Variants in P2RY14 observed in about 807,000 individuals in gnomAD.
P2RY14 encodes the protein P2Y purinoceptor 14.
A neutral mutation model predicts 0.9 loss-of-function variants in P2RY14; 2 were observed. That is an observed-to-expected ratio of 2.16 (90% CI 0.88 to 6.79). P2RY14 has a LOEUF of 6.79. P2RY14 is among the 30% of genes most tolerant of loss of function. The probability of loss-of-function intolerance (pLI) is 0.05; values close to 1 mark genes in which losing one functional copy is unlikely to be tolerated. For missense variants in P2RY14, 378 were observed against 400.1 expected (o/e 0.94, Z 0.47); for synonymous variants, 158 against 147.2 (o/e 1.07, Z -0.53).
chr3:151,264,031 C>A (rs1402295196), intron 1 of P2RY14, among the ~76,000 whole-genome samples: 1 of 152,172 alleles, frequency 6.6e-6, no homozygotes, highest in Non-Finnish European at 1.5e-5. Context: ...GGTGACTTTT[C>A]CATTTCAGTT....
Position 151,254,586 on chromosome 3 carries a change from A to G in P2RY14, c.-133+23701T>C, listed in dbSNP as rs73869172. Among the ~76,000 whole-genome samples, 1,258 of 152,334 alleles carry G rather than the reference A, an allele frequency of 8.3e-3. 19 individuals carry two copies. The highest frequency in any genetic ancestry group is 0.028 in the African/African-American group (1,182 of 41,576). On this transcript the variant is annotated intron_variant, in intron 1 of 2. Transcript: ENST00000309170. ...CCAAACCTTATTTAATCTAGTTCTTAGCTATACGTGTATGTGTAAGCTTAA... is the reference window on the plus strand; with the variant it reads ...CCAAACCTTATTTAATCTAGTTCTTGGCTATACGTGTATGTGTAAGCTTAA...
chr3:151,273,612 G>A (rs910577692), intron 1 of P2RY14, among the ~76,000 whole-genome samples: 5 of 152,040 alleles, frequency 3.3e-5, no homozygotes, highest in African/African-American at 1.2e-4. Context: ...CCATAACTCA[G>A]TAAGGAAAAT....
At chr3:151,265,337 T>G (rs2149519021) in intron 1 of P2RY14, among the ~76,000 whole-genome samples, 1 of 152,336 alleles carries the variant, frequency 6.6e-6, no homozygotes, top group East Asian at 1.9e-4. Context: ...AACTGTTGAG[T>G]TTATTTTTCC....
At chr3:151,242,727 A>G (rs935894633) in intron 1 of P2RY14, among the ~76,000 whole-genome samples, 2 of 152,248 alleles carry the variant, frequency 1.3e-5, no homozygotes, top group African/African-American at 4.8e-5. Context: ...CTCCAAAGGA[A>G]CGCAGTTCCT....
intron 1 of P2RY14, among the ~76,000 whole-genome samples, chr3:151,257,672 G>A (rs1368299852): frequency 1.3e-5 from 2 of 152,210 alleles, no homozygotes; most frequent in East Asian, 3.8e-4. Context: ...TGCATTGTGT[G>A]GGCTTTCATA....
chr3:151,261,622 CAA>C (rs1738898268), intron 1 of P2RY14, among the ~76,000 whole-genome samples: 2 of 152,056 alleles, frequency 1.3e-5, no homozygotes, highest in Non-Finnish European at 2.9e-5. Flanking sequence ...GCAAGTTACC[CAA>C]GACTCCCAGA....
At chr3:151,250,035 A>C (rs1334331826) in intron 1 of P2RY14, among the ~76,000 whole-genome samples, 2 of 152,162 alleles carry the variant, frequency 1.3e-5, no homozygotes, top group Non-Finnish European at 1.5e-5. Flanking sequence ...GCTCTCCCTT[A>C]AATGTGAATC....
intron 1 of P2RY14, among the ~76,000 whole-genome samples, chr3:151,271,179 A>G (rs898384097): frequency 6.6e-6 from 1 of 152,218 alleles, no homozygotes; most frequent in African/African-American, 2.4e-5. Flanking sequence ...ATAAAAAGAC[A>G]AACTCAGTTT....
rs752017968 is a variant in P2RY14, at chr3:151,260,348, TTTG to T, written c.-133+17936_-133+17938del. Among the ~76,000 whole-genome samples the T allele has an allele frequency of 1.8e-4, 27 of 152,170 alleles. No individual in the cohort carries two copies. In the East Asian group the frequency reaches 3.5e-3, roughly 20 times the overall value. ...TACTAATATCTTTTAAAAGCCAGTT[TTTG>T]TTGTTGTTTGTTTTTTGAGACAGGG... On this transcript the variant is annotated intron_variant, in intron 1 of 2. Coordinates refer to ENST00000309170, the MANE Select transcript of P2RY14 (RefSeq NM_014879.4).
intron 1 of P2RY14, among the ~76,000 whole-genome samples, chr3:151,274,080 G>T (rs140892826): frequency 2.3e-4 from 35 of 152,244 alleles, no homozygotes; most frequent in African/African-American, 8.4e-4. Context: ...TAAAGTCGTG[G>T]CTCATGAAAG....
intron 1 of P2RY14, among the ~76,000 whole-genome samples, chr3:151,270,926 G>A (rs1740825394): frequency 6.6e-6 from 1 of 151,690 alleles, no homozygotes; most frequent in Non-Finnish European, 1.5e-5. Flanking sequence ...TTATTTCACT[G>A]GAAAGGAAAG....
chr3:151,254,487 A>G (rs1241313344), intron 1 of P2RY14, among the ~76,000 whole-genome samples: 1 of 152,202 alleles, frequency 6.6e-6, no homozygotes. Flanking sequence ...CCATTTTCCC[A>G]TTTATAATTA....
At chr3:151,233,149 G>A (rs1732037180) in intron 1 of P2RY14, among the ~76,000 whole-genome samples, 3 of 152,086 alleles carry the variant, frequency 2.0e-5, no homozygotes, top group South Asian at 2.1e-4. Flanking sequence ...TCTAGTTTCT[G>A]CAGATCTGGG....
intron 1 of P2RY14, among the ~76,000 whole-genome samples, chr3:151,243,189 T>A (rs990405805): frequency 1.6e-4 from 24 of 151,902 alleles, no homozygotes; most frequent in Non-Finnish European, 3.2e-4. Flanking sequence ...TGGAAAACAC[T>A]CTGCAGGATA....
intron 1 of P2RY14, among the ~76,000 whole-genome samples, chr3:151,233,618 A>G (rs1023323198): frequency 1.3e-5 from 2 of 152,192 alleles, no homozygotes; most frequent in African/African-American, 4.8e-5. Flanking sequence ...CTGTAATCCC[A>G]GCTACTCGGG....
intron 1 of P2RY14, among the ~76,000 whole-genome samples, chr3:151,268,836 A>G (rs983274447): frequency 1.3e-5 from 2 of 152,242 alleles, no homozygotes; most frequent in Non-Finnish European, 2.9e-5. Flanking sequence ...CTAAGACCAC[A>G]AAGCTTCTAG....
intron 1 of P2RY14, among the ~76,000 whole-genome samples, chr3:151,269,210 G>C (rs570386692): frequency 3.3e-5 from 5 of 152,320 alleles, no homozygotes; most frequent in Admixed American, 6.5e-5. Context: ...AGACCAGCCT[G>C]ACCAACATGC....
chr3:151,273,473 C>T (rs939071130), intron 1 of P2RY14, among the ~76,000 whole-genome samples: 1 of 147,954 alleles, frequency 6.8e-6, no homozygotes, highest in Non-Finnish European at 1.5e-5. Context: ...AAACTTCTGA[C>T]CTTGTGATCT....
chr3:151,243,951 G>A (rs1439119356), intron 1 of P2RY14, among the ~76,000 whole-genome samples: 3 of 147,070 alleles, frequency 2.0e-5, no homozygotes, highest in Non-Finnish European at 3.0e-5. Flanking sequence ...AACAAAAAAA[G>A]GCAGGGGTTG....
Sources: allele counts gnomAD v4.1 joint callset (sites outside exome capture counted in the v4.1 genomes callset), GRCh38; gene constraint gnomAD v4.1.1; transcripts MANE v1.5; gene names NCBI Gene and HGNC (gene_info 2026-07-23, HGNC 2026-07-21).